The following PTPRK variants were observed in gnomAD, a reference collection of about 807,000 sequenced individuals.
PTPRK encodes protein tyrosine phosphatase receptor type K.
In PTPRK, 75 loss-of-function variants were observed where a neutral mutation model predicts 178.0. The observed-to-expected ratio is 0.42, with a 90% CI of 0.35 to 0.51. The LOEUF (loss-of-function observed/expected upper bound fraction) is 0.51. Among genes scored for constraint, PTPRK ranks in the 20% least tolerant of loss-of-function variants. The pLI is 0.02. For missense variants in PTPRK, 1,441 were observed against 1,797.8 expected, an observed-to-expected ratio of 0.80 and a Z score of 3.59; for synonymous variants, 637 against 620.6, an observed-to-expected ratio of 1.03 and a Z score of -0.39.
intron 7 of PTPRK, among the ~76,000 whole-genome samples, chr6:128,137,535 A>G (rs1004780963): frequency 1.3e-5 from 2 of 152,192 alleles, no homozygotes; most frequent in African/African-American, 4.8e-5. Context: ...ATCAGTCTAT[A>G]TTATCCATAC....
chr6:128,186,390 G>A (rs901494292), intron 6 of PTPRK, among the ~76,000 whole-genome samples: 3 of 151,844 alleles, frequency 2.0e-5, no homozygotes, highest in Admixed American at 6.6e-5. Flanking sequence ...GGATTCACTG[G>A]GCTCATGTTT....
At chr6:128,047,529 A>C (rs1020255756) in intron 13 of PTPRK, among the ~76,000 whole-genome samples, 1 of 152,122 alleles carries the variant, frequency 6.6e-6, no homozygotes, top group African/African-American at 2.4e-5. Flanking sequence ...TTCCAGCTAT[A>C]TCTGGTGCCA....
chr6:128,033,886 G>A (rs1050609844), intron 13 of PTPRK, among the ~76,000 whole-genome samples: 5 of 151,972 alleles, frequency 3.3e-5, no homozygotes, highest in African/African-American at 1.2e-4. Context: ...TAAAGTAGGG[G>A]ATAAAAGATG....
At chr6:128,326,081 ACAC>A (rs1403679849) in intron 2 of PTPRK, among the ~76,000 whole-genome samples, 2 of 152,150 alleles carry the variant, frequency 1.3e-5, no homozygotes, top group Non-Finnish European at 1.5e-5. Flanking sequence ...AGAAAACCAA[ACAC>A]CACATTTTCT....
intron 2 of PTPRK, among the ~76,000 whole-genome samples, chr6:128,369,566 C>T (rs1835983487): frequency 6.6e-6 from 1 of 151,990 alleles, no homozygotes; most frequent in African/African-American, 2.4e-5. Flanking sequence ...AGCTGTATTC[C>T]ATGTTCAAAG....
chr6:128,237,939 A>AT, intron 5 of PTPRK: 1 of 397,334 alleles, frequency 2.5e-6, no homozygotes, highest in African/African-American at 2.1e-5. Context: ...TTTTTAAATA[A>AT]TTTCATAATA....
At chr6:128,351,000 T>A (rs545646179) in intron 2 of PTPRK, among the ~76,000 whole-genome samples, 1 of 152,318 alleles carries the variant, frequency 6.6e-6, no homozygotes, top group African/African-American at 2.4e-5. Context: ...GATACTTCGC[T>A]AGGTGCTGAT....
At chr6:128,104,518 G>A (rs534524026) in intron 7 of PTPRK, among the ~76,000 whole-genome samples, 3 of 152,246 alleles carry the variant, frequency 2.0e-5, no homozygotes, top group East Asian at 1.9e-4. Context: ...CACCACGCCC[G>A]GCCTATATTC....
intron 7 of PTPRK, among the ~76,000 whole-genome samples, chr6:128,135,078 T>TTACA (rs1554309214): frequency 2.9e-4 from 40 of 136,382 alleles, no homozygotes; most frequent in African/African-American, 1.1e-3. Flanking sequence ...AATCATTCAA[T>TTACA]CACACACACA....
intron 7 of PTPRK, among the ~76,000 whole-genome samples, chr6:128,105,827 A>T: frequency 6.6e-6 from 1 of 152,142 alleles, no homozygotes; most frequent in East Asian, 1.9e-4. Flanking sequence ...CGTCATTACC[A>T]TTTACCTTGA....
At chr6:128,320,348 A>G (rs970187633) in intron 3 of PTPRK, among the ~76,000 whole-genome samples, 1 of 152,164 alleles carries the variant, frequency 6.6e-6, no homozygotes, top group Admixed American at 6.6e-5. Context: ...AAAAATAACT[A>G]CATGTATGTT....
intron 1 of PTPRK, among the ~76,000 whole-genome samples, chr6:128,493,362 A>G (rs1422175667): frequency 6.6e-6 from 1 of 152,098 alleles, no homozygotes; most frequent in Non-Finnish European, 1.5e-5. Context: ...GGAGATCAAG[A>G]CCATCCTGGC....
At chr6:128,002,449 T>C (rs1042921990) in intron 15 of PTPRK, among the ~76,000 whole-genome samples, 5 of 151,882 alleles carry the variant, frequency 3.3e-5, no homozygotes, top group South Asian at 2.1e-4. Context: ...TACTAATCAT[T>C]GGTGTATAAT....
At chr6:128,090,069 A>AAT in intron 7 of PTPRK, 77 bp from the exon 8 acceptor site, 1 of 1,122,300 alleles carries the variant, frequency 8.9e-7, no homozygotes, top group Non-Finnish European at 1.3e-6. Context: ...CACCAAGTAT[A>AAT]ATATAGCATA....
rs1845357218 is a variant in PTPRK, at chr6:128,435,058, AAGG to A, written c.101-37373_101-37371del. 4.3e-5 allele frequency among the ~76,000 whole-genome samples: 3 copies of A among 69,980 alleles called. No homozygotes were observed. The East Asian group carries it at 1.4e-3, about 33-fold the overall frequency. The allele number at this position is 69,980 out of a possible 152,430, so 45.9% of individuals were successfully genotyped here. ...GAAGGCAGGAAGGCAGGAAGGAAGG[AAGG>A]AAGGAAGGAAGGAAGGAAGGAAGGA... On this transcript the variant is annotated intron_variant, in intron 1 of 29. Transcript: ENST00000368226.
intron 2 of PTPRK, among the ~76,000 whole-genome samples, chr6:128,348,648 T>C (rs543660379): frequency 1.3e-5 from 2 of 152,172 alleles, no homozygotes; most frequent in East Asian, 3.9e-4. Flanking sequence ...CCTATTTCCA[T>C]TCTTTGAGAA....
At chr6:128,515,427 A>G (rs750704167) in intron 1 of PTPRK, among the ~76,000 whole-genome samples, 5 of 152,188 alleles carry the variant, frequency 3.3e-5, no homozygotes, top group Non-Finnish European at 5.9e-5. Flanking sequence ...GATTAAAAAA[A>G]CAAGTCATGT....
At chr6:128,195,226 C>G (rs1431293448) in intron 6 of PTPRK, among the ~76,000 whole-genome samples, 1 of 151,950 alleles carries the variant, frequency 6.6e-6, no homozygotes, top group Non-Finnish European at 1.5e-5. Context: ...GAAACCTAAT[C>G]TAAGTTTGCC....
At chr6:128,159,177 A>G (rs559847604) in intron 7 of PTPRK, among the ~76,000 whole-genome samples, 2 of 151,864 alleles carry the variant, frequency 1.3e-5, no homozygotes, top group South Asian at 4.2e-4. Context: ...AACTTCATGC[A>G]AAAAAGAACT....
Sources: allele counts gnomAD v4.1 joint callset (sites outside exome capture counted in the v4.1 genomes callset), GRCh38; gene constraint gnomAD v4.1.1; transcripts MANE v1.5; gene names NCBI Gene and HGNC (gene_info 2026-07-23, HGNC 2026-07-21).